PBDC1: variants seen among roughly 807,000 people sequenced by gnomAD.
The protein encoded by PBDC1 is polysaccharide biosynthesis domain containing 1.
A neutral mutation model predicts 12.0 loss-of-function variants in PBDC1; 3 were observed. The observed-to-expected ratio is 0.25, with a 90% CI of 0.11 to 0.64. The LOEUF (loss-of-function observed/expected upper bound fraction) is 0.64. Among genes scored for constraint, PBDC1 ranks in the 30% least tolerant of loss-of-function variants. The pLI, the probability that PBDC1 is intolerant of heterozygous loss-of-function variation, is 0.84. For synonymous variants in PBDC1, 64 were observed against 56.4 expected, an observed-to-expected ratio of 1.13 and a Z score of -0.60; for missense variants, 162 against 168.1, an observed-to-expected ratio of 0.96 and a Z score of 0.20.
chrX:76,177,572 A>G (rs1164541109), intron 5 of PBDC1, 44 bp from the exon 6 acceptor site: 5 of 1,114,100 alleles, frequency 4.5e-6, no homozygotes, highest in East Asian at 3.0e-5. Context: ...GATTTAGGGA[A>G]TAAGCTGAGA....
At chrX:76,176,040 A>G (rs1164808454) in intron 4 of PBDC1, among the ~76,000 whole-genome samples, 3 of 112,429 alleles carry the variant, frequency 2.7e-5, no homozygotes, top group Non-Finnish European at 5.6e-5. Context: ...ATACTTTGAT[A>G]GGAAACTAAC....
rs181737784 is a variant in PBDC1 at position 76,177,071 on chromosome X, A to G, written c.409+79A>G. 2.3e-4 allele frequency: 135 copies of G among 598,052 alleles called. No homozygotes were observed. The East Asian group carries it at 4.4e-3, about 19-fold the overall frequency. The allele number at this position is 598,052 out of a possible 1,213,427, so 49.3% of individuals were successfully genotyped here. On this transcript the variant is annotated intron_variant, in intron 5 of 5. Transcript: ENST00000373358. The stretch of plus-strand genomic sequence containing the variant: ...CTTTACTGATGAATCAGTGATGTGT[A>G]TAGTTAGGTCACCTTATCTTGTTTC...
At position 76,175,453 on chromosome X, in the gene PBDC1, G is replaced by T; in HGVS notation, c.157-20G>T. ...GTAAATTACAGACTAGCATCTGTAT[G>T]TTGTCTTACTGTTTCGCAGCTGATT... On this transcript the variant is annotated intron_variant, in intron 3 of 5. Transcript: ENST00000373358. 1 of 1,200,710 alleles carries T rather than the reference G, an allele frequency of 8.3e-7. No individual in the cohort carries two copies. Among genetic ancestry groups the T allele is most frequent in the East Asian group, 3.0e-5 (1 of 33,742 alleles).
rs1924769817 is a variant in PBDC1 at position 76,175,543 on chromosome X, G to A, written c.227G>A (p.Arg76Gln). 1.7e-6 allele frequency: 2 copies of A among 1,207,578 alleles called. No individual in the cohort carries two copies. Among genetic ancestry groups the A allele is most frequent in the Non-Finnish European group, 2.2e-6 (2 of 891,890 alleles). ...GATGACCAAATTTACTCTGAGTTCC[G>A]GAAAAATTTTGAGACCCTTAGGATA... ...KVDDQIYSEF[R>Q]KNFETLRIDV... Residue 76 changes from arginine to glutamine, a missense_variant, in exon 4 of 6, where the codon CGG becomes CAG. By Grantham distance (43) the Arg-to-Gln change is conservative (BLOSUM62 1). Transcript: ENST00000373358.
chrX:76,176,401 C>T (rs1924793862), intron 4 of PBDC1, among the ~76,000 whole-genome samples: 1 of 111,279 alleles, frequency 9.0e-6, no homozygotes. Context: ...GCGATCCGCC[C>T]GCCTCGGTCT....
At chrX:76,173,466 G>A (rs1247624628) in intron 1 of PBDC1, 119 bp from the exon 2 acceptor site, 1 of 505,528 alleles carries the variant, frequency 2.0e-6, no homozygotes, top group Non-Finnish European at 3.2e-6. Context: ...CAGGCGATCC[G>A]CCCGCCTCGG....
Position 76,178,145 on chromosome X carries a change from C to A in PBDC1, c.*237C>A. On this transcript the variant is annotated 3_prime_UTR_variant, in exon 6 of 6. Coordinates refer to ENST00000373358, the MANE Select transcript of PBDC1 (RefSeq NM_016500.5). ...TTTTTCCTGGTATACTGTTTCTTGGCTGACACTACTGGTCAAGTAAGAAAT... is the reference window on the plus strand; with the variant it reads ...TTTTTCCTGGTATACTGTTTCTTGGATGACACTACTGGTCAAGTAAGAAAT... 1 of 419,919 alleles carries A rather than the reference C, an allele frequency of 2.4e-6. No individual in the cohort carries two copies. The highest frequency in any genetic ancestry group is 3.9e-6 in the Non-Finnish European group (1 of 253,840). The allele number at this position is 419,919 out of a possible 1,213,427, so 34.6% of individuals were successfully genotyped here. A position where few individuals can be genotyped will look rare whatever the true frequency, so the allele number is the denominator to read the frequency against.
Position 76,177,002 on chromosome X carries a change from T to C in PBDC1, c.409+10T>C. 1.8e-6 allele frequency: 2 copies of C among 1,112,534 alleles called. No homozygotes were observed. Among genetic ancestry groups the C allele is most frequent in the African/African-American group, 3.6e-5 (2 of 55,883 alleles). The allele number at this position is 1,112,534 out of a possible 1,213,427, so 91.7% of individuals were successfully genotyped here. On this transcript the variant is annotated intron_variant, in intron 5 of 5. Coordinates refer to ENST00000373358, the MANE Select transcript of PBDC1 (RefSeq NM_016500.5). ...GAAAACACCATCTTTGGTGAGTTTC[T>C]TCCCTCTGGAATTGTTTCTGTGTAA...
In PBDC1 at chrX:76,177,780, G is replaced by T; in HGVS notation, c.574G>T (p.Glu192Ter). 4 of 1,204,826 alleles carry T rather than the reference G, an allele frequency of 3.3e-6. No homozygotes were observed. Among genetic ancestry groups the T allele is most frequent in the Non-Finnish European group, 4.5e-6 (4 of 892,412 alleles). Residue 192 changes from glutamate (E) to a stop codon, truncating the protein, a stop_gained, in exon 6 of 6, where the codon GAG becomes TAG. Transcript: ENST00000373358. LOFTEE classifies it low-confidence loss of function (END_TRUNC). ...AGAAGAGAACACCAAGAATGGAGGA[G>T]AGAAAGGAGCTGATAGTGGAGAAGA... ...GEEENTKNGGEKGADSGEEKE... is the reference protein window; with the variant it reads ...GEEENTKNGG
chrX:76,176,580 G>A (rs782075978), intron 4 of PBDC1, among the ~76,000 whole-genome samples: 1 of 111,891 alleles, frequency 8.9e-6, no homozygotes, highest in African/African-American at 3.3e-5. Flanking sequence ...ACCATTTTGG[G>A]CTGAACTGAC....
rs1406358217 is a variant in PBDC1, at chrX:76,178,094, A to T, written c.*186A>T. 2.6e-6 allele frequency: 2 copies of T among 778,586 alleles called. No individual in the cohort carries two copies. Among genetic ancestry groups the T allele is most frequent in the African/African-American group, 4.3e-5 (2 of 46,907 alleles). 64.2% of individuals were successfully genotyped at this position (778,586 alleles called of 1,213,427 possible). On this transcript the variant is annotated 3_prime_UTR_variant, in exon 6 of 6. Coordinates refer to ENST00000373358, the MANE Select transcript of PBDC1 (RefSeq NM_016500.5). ...TCATTCCCTTGTATGAACTGGTCTA[A>T]AGACTGTTAGTGGGGTGTTAGTTGA...
At chrX:76,173,989 C>T in intron 2 of PBDC1, among the ~76,000 whole-genome samples, 1 of 112,051 alleles carries the variant, frequency 8.9e-6, no homozygotes, top group Non-Finnish European at 1.9e-5. Flanking sequence ...TGAGGGATTC[C>T]ATTGTGCAGC....
At position 76,174,960 on chromosome X, in the gene PBDC1, T is replaced by G; in HGVS notation, c.156+11T>G. On this transcript the variant is annotated intron_variant, in intron 3 of 5. Coordinates refer to ENST00000373358, the MANE Select transcript of PBDC1 (RefSeq NM_016500.5). ...GAAGTCTATTACAAGGTGAGTTGTC[T>G]TTCTTCATCATTAAGCAGAATTAAA... 8.7e-7 allele frequency: 1 copy of G among 1,152,615 alleles called. No individual in the cohort carries two copies. Among genetic ancestry groups the G allele is most frequent in the Non-Finnish European group, 1.2e-6 (1 of 841,187 alleles). 95.0% of individuals were successfully genotyped at this position (1,152,615 alleles called of 1,213,427 possible).
chrX:76,173,069 G>C lies in PBDC1; in HGVS notation c.-70G>C, dbSNP rs1371324238. 3.5e-5 allele frequency: 39 copies of C among 1,103,381 alleles called. No homozygotes were observed. The highest frequency in any genetic ancestry group is 4.3e-5 in the Non-Finnish European group (35 of 816,545). The allele number at this position is 1,103,381 out of a possible 1,213,427, so 90.9% of individuals were successfully genotyped here. On this transcript the variant is annotated 5_prime_UTR_variant, in exon 1 of 6. Coordinates refer to ENST00000373358, the MANE Select transcript of PBDC1 (RefSeq NM_016500.5). ...AGAGCGCACGGTGGAGCCGCCAGTTGAGAAGGACTCTGATCCGGCTCAGCT... is the reference window on the plus strand; with the variant it reads ...AGAGCGCACGGTGGAGCCGCCAGTTCAGAAGGACTCTGATCCGGCTCAGCT...
In PBDC1 at chrX:76,177,864, G is replaced by A; in HGVS notation, c.658G>A (p.Glu220Lys). The change falls in exon 6 of 6, where the codon GAA (glutamate) becomes AAA (lysine). Residue 220 changes from glutamate to lysine, a missense_variant. By Grantham distance (56) the Glu-to-Lys change is moderately conservative (BLOSUM62 1). Transcript: ENST00000373358. ...KTDKGGEKGK[E>K]ADKEINKSGE... is the part of the protein sequence containing the mutation. ...TGACAAAGGAGGAGAAAAAGGGAAA[G>A]AAGCTGACAAAGAAATCAACAAAAG... 1 of 1,210,887 alleles carries A rather than the reference G, an allele frequency of 8.3e-7. No homozygotes were observed. The highest frequency in any genetic ancestry group is 1.1e-6 in the Non-Finnish European group (1 of 895,133).
intron 4 of PBDC1, 28 bp from the exon 5 acceptor site, chrX:76,176,853 A>T: frequency 9.8e-7 from 1 of 1,021,502 alleles, no homozygotes; most frequent in Non-Finnish European, 1.4e-6. Flanking sequence ...TGCATTTGTC[A>T]GCTAAAGCAT....
At chrX:76,177,154 A>G (rs1301974749) in intron 5 of PBDC1, among the ~76,000 whole-genome samples, 162 bp downstream of exon 5, 1 of 110,870 alleles carries the variant, frequency 9.0e-6, no homozygotes, top group Non-Finnish European at 1.9e-5. Flanking sequence ...AGTATTTTCA[A>G]TCTCATTAAT....
At position 76,174,896 on chromosome X, in the gene PBDC1, A is replaced by G; in HGVS notation, c.103A>G (p.Ile35Val). The change falls in exon 3 of 6, where the codon ATT (isoleucine) becomes GTT (valine). Residue 35 changes from isoleucine (I) to valine (V), a missense_variant. Transcript: ENST00000373358. ...ATTCTTCACTCCTTTGCAGCCTGAC[A>G]TTGAGATGGCTTGGGCCATGAGAGC... is the stretch of plus-strand genomic sequence containing the variant. Reference protein sequence around the residue: ...PAESYGNDPDIEMAWAMRAMQ... With the variant: ...PAESYGNDPDVEMAWAMRAMQ... 6 of 1,208,835 alleles carry G rather than the reference A, an allele frequency of 5.0e-6. No individual in the cohort carries two copies. In the South Asian group the frequency reaches 1.1e-4, roughly 21 times the overall value.
Position 76,173,126 on chromosome X carries a change from C to A in PBDC1, c.-13C>A, listed in dbSNP as rs782007003. On this transcript the variant is annotated 5_prime_UTR_variant, in exon 1 of 6. Transcript: ENST00000373358. ...TCAGCTGCGGAAGGAGCCACGCTTT[C>A]GGGGGTTGCAAGATGGCGGCCACCA... The A allele has an allele frequency of 1.7e-6, 2 of 1,175,037 alleles. No individual in the cohort carries two copies. The highest frequency in any genetic ancestry group is 2.3e-6 in the Non-Finnish European group (2 of 876,421).
Sources: gnomAD v4.1 joint callset for allele counts (sites outside exome capture counted in the v4.1 genomes callset) on GRCh38, gnomAD v4.1.1 for gene constraint, MANE v1.5 for transcripts, NCBI Gene and HGNC (gene_info 2026-07-23, HGNC 2026-07-21) for gene names.